The following ROBO1 variants were observed in gnomAD, a reference collection of about 807,000 sequenced individuals.
ROBO1 encodes roundabout homolog 1.
In ROBO1, 149 loss-of-function variants were observed where a neutral mutation model predicts 195.9. That is an observed-to-expected ratio of 0.76 (90% CI 0.67 to 0.87). ROBO1 has a LOEUF of 0.87. Among genes scored for constraint, ROBO1 ranks in the 40% least tolerant of loss-of-function variants. ROBO1 has a pLI of 0.00. For synonymous variants in ROBO1, 816 were observed against 733.2 expected (o/e 1.11, Z -1.82); for missense variants, 1,933 against 2,068.3 (o/e 0.93, Z 1.27).
At chr3:79,032,078 A>G (rs2108305310) in intron 3 of ROBO1, among the ~76,000 whole-genome samples, 1 of 152,224 alleles carries the variant, frequency 6.6e-6, no homozygotes, top group East Asian at 1.9e-4. Flanking sequence ...AGCTTTCTAA[A>G]TGCTTACCTA....
intron 2 of ROBO1, among the ~76,000 whole-genome samples, chr3:79,509,699 A>G (rs898090837): frequency 1.3e-5 from 2 of 152,148 alleles, no homozygotes; most frequent in Admixed American, 6.6e-5. Context: ...CAAGCACTCA[A>G]TACATCTTGG....
chr3:79,608,116 C>T (rs1383687393), intron 1 of ROBO1, among the ~76,000 whole-genome samples: 1 of 151,928 alleles, frequency 6.6e-6, no homozygotes, highest in Non-Finnish European at 1.5e-5. Context: ...GGGTATACAA[C>T]TAAACTTTGT....
chr3:79,324,603 G>C (rs898426507), intron 2 of ROBO1, among the ~76,000 whole-genome samples: 1 of 151,958 alleles, frequency 6.6e-6, no homozygotes, highest in Non-Finnish European at 1.5e-5. Context: ...AAAACAAACA[G>C]ACAAAAAAAG....
chr3:79,498,469 T>G lies in ROBO1; in HGVS notation c.88+91355A>C, dbSNP rs1159952257. Among the ~76,000 whole-genome samples, 4 of 152,216 alleles carry G rather than the reference T, an allele frequency of 2.6e-5. No individual in the cohort carries two copies. The South Asian group carries it at 8.3e-4, about 31-fold the overall frequency. On this transcript the variant is annotated intron_variant, in intron 2 of 30. Coordinates refer to ENST00000464233, the MANE Select transcript of ROBO1 (RefSeq NM_002941.4). ...ATACCTAATTTAAGCATATATAGGT[T>G]TAAGATGAGAATCTTATTTCTGTAA...
chr3:79,420,907 A>C (rs2038196533), intron 2 of ROBO1, among the ~76,000 whole-genome samples: 1 of 152,142 alleles, frequency 6.6e-6, no homozygotes, highest in Admixed American at 6.5e-5. Context: ...TTGTTCTACC[A>C]TAAAGACACA....
chr3:79,503,182 C>T (rs1411130916), intron 2 of ROBO1, among the ~76,000 whole-genome samples: 1 of 152,142 alleles, frequency 6.6e-6, no homozygotes, highest in Non-Finnish European at 1.5e-5. Context: ...ACTTCTGAAG[C>T]CAGCGAGACT....
chr3:78,748,751 T>A (rs1463454460), intron 4 of ROBO1, among the ~76,000 whole-genome samples: 2 of 152,150 alleles, frequency 1.3e-5, no homozygotes, highest in African/African-American at 2.4e-5. Context: ...ATCCCCATTT[T>A]CTAATCTGAA....
Position 78,651,885 on chromosome 3 carries a change from C to G in ROBO1, c.2659G>C (p.Ala887Pro), listed in dbSNP as rs760735885. The G allele has an allele frequency of 6.2e-7, 1 of 1,613,534 alleles. No homozygotes were observed. The highest frequency in any genetic ancestry group is 1.3e-5 in the African/African-American group (1 of 74,874). Residue 887 changes from alanine (A) to proline (P), a missense_variant, in exon 19 of 31, where the codon GCT becomes CCT. By Grantham distance (27) the Ala-to-Pro change is conservative. Coordinates refer to ENST00000464233, the MANE Select transcript of ROBO1 (RefSeq NM_002941.4). ...TTCACCACATCTGAAATCTGCTGAGCGAGGCTGACTTGGTCCTCAGGTGAC... is the reference window on the plus strand; with the variant it reads ...TTCACCACATCTGAAATCTGCTGAGGGAGGCTGACTTGGTCCTCAGGTGAC... ...PVSPEDQVSL[A>P]QQISDVVKQP... is the part of the protein sequence containing the mutation.
chr3:78,821,161 ATTT>A (rs71631622), intron 4 of ROBO1, among the ~76,000 whole-genome samples: 2 of 122,188 alleles, frequency 1.6e-5, no homozygotes, highest in African/African-American at 3.3e-5. Context: ...TATGATACTG[ATTT>A]TTTTTTTTTT....
At chr3:79,703,694 C>A (rs1424059532) in intron 1 of ROBO1, among the ~76,000 whole-genome samples, 2 of 151,830 alleles carry the variant, frequency 1.3e-5, no homozygotes, top group Non-Finnish European at 2.9e-5. Context: ...ACTATGTATT[C>A]TTTGATAAAT....
intron 1 of ROBO1, among the ~76,000 whole-genome samples, chr3:79,629,358 C>T (rs1291908131): frequency 3.3e-5 from 5 of 151,958 alleles, no homozygotes; most frequent in Non-Finnish European, 4.4e-5. Flanking sequence ...ACCCTCAAAA[C>T]TATACAAATA....
At chr3:79,477,280 G>T (rs1383722628) in intron 2 of ROBO1, among the ~76,000 whole-genome samples, 2 of 152,090 alleles carry the variant, frequency 1.3e-5, no homozygotes, top group African/African-American at 4.8e-5. Flanking sequence ...AGGATCTGTG[G>T]ATTCCAGGTA....
intron 4 of ROBO1, among the ~76,000 whole-genome samples, chr3:78,922,170 T>G (rs2107602631): frequency 6.6e-6 from 1 of 152,186 alleles, no homozygotes; most frequent in Middle Eastern, 3.4e-3. Flanking sequence ...TGTGAGAAGA[T>G]AATACAAATC....
chr3:79,087,383 A>G (rs1364832483), intron 3 of ROBO1, among the ~76,000 whole-genome samples: 4 of 152,140 alleles, frequency 2.6e-5, no homozygotes, highest in African/African-American at 9.7e-5. Flanking sequence ...TTAATGAAAT[A>G]GAGGCAGGTT....
chr3:78,997,764 GT>G (rs1559573658), intron 3 of ROBO1, among the ~76,000 whole-genome samples: 1 of 152,116 alleles, frequency 6.6e-6, no homozygotes, highest in Non-Finnish European at 1.5e-5. Flanking sequence ...TCCTCCTGAA[GT>G]GATGCTTGAC....
chr3:79,654,771 CCTCT>C (rs1946111310), intron 1 of ROBO1, among the ~76,000 whole-genome samples: 1 of 151,610 alleles, frequency 6.6e-6, no homozygotes, highest in Non-Finnish European at 1.5e-5. Flanking sequence ...TTTCTTTTAG[CCTCT>C]CTATTATCAT....
At chr3:79,652,135 T>A (rs908804870) in intron 1 of ROBO1, among the ~76,000 whole-genome samples, 6 of 152,112 alleles carry the variant, frequency 3.9e-5, no homozygotes, top group South Asian at 2.1e-4. Flanking sequence ...CCTATAATTT[T>A]AAAAAATATA....
intron 1 of ROBO1, among the ~76,000 whole-genome samples, chr3:79,683,310 T>C (rs550471702): frequency 4.6e-5 from 7 of 152,036 alleles, no homozygotes; most frequent in Non-Finnish European, 1.0e-4. Context: ...ATAATAAGTA[T>C]ATAACTCTAA....
intron 1 of ROBO1, among the ~76,000 whole-genome samples, chr3:79,602,137 C>T (rs1388769693): frequency 1.3e-5 from 2 of 151,868 alleles, no homozygotes; most frequent in African/African-American, 2.4e-5. Flanking sequence ...ATTACCTTCC[C>T]TTATGTTGGG....
Sources: gnomAD v4.1 joint callset for allele counts (sites outside exome capture counted in the v4.1 genomes callset) on GRCh38, gnomAD v4.1.1 for gene constraint, MANE v1.5 for transcripts, NCBI Gene and HGNC (gene_info 2026-07-23, HGNC 2026-07-21) for gene names.